PLXNB1: variants seen among roughly 807,000 people sequenced by gnomAD.
The protein encoded by PLXNB1 is plexin B1, also known as plexin-B1.
A neutral mutation model predicts 209.4 loss-of-function variants in PLXNB1; 106 were observed. That is an observed-to-expected ratio of 0.51 (90% CI 0.43 to 0.59). PLXNB1 has a LOEUF of 0.59. PLXNB1 is among the 20% of genes least tolerant of loss of function. The pLI, the probability that PLXNB1 is intolerant of heterozygous loss-of-function variation, is 0.00. For missense variants in PLXNB1, 2,357 were observed against 2,853.2 expected (o/e 0.83, Z 3.96); for synonymous variants, 1,167 against 1,183.2 (o/e 0.99, Z 0.28).
rs559444243 is a variant in PLXNB1 at position 48,419,394 on chromosome 3, A to C, written c.2710-28T>G. 3.9e-6 allele frequency: 6 copies of C among 1,537,576 alleles called. No homozygotes were observed. Among genetic ancestry groups the C allele is most frequent in the Non-Finnish European group, 5.3e-6 (6 of 1,139,950 alleles). On this transcript the variant is annotated intron_variant, in intron 11 of 37. Coordinates refer to ENST00000296440, the MANE Select transcript of PLXNB1 (RefSeq NM_001130082.3). This position sits in a 1 kb window ranked among gnomAD's most constrained non-coding sequence, Gnocchi z 5.7. Reference sequence around the variant, plus strand: ...GCAGGCACCAAGGGCAAGGCAGTCTATGGAGCCCACCCTGCCCAGCTCAGC... The same window carrying C: ...GCAGGCACCAAGGGCAAGGCAGTCTCTGGAGCCCACCCTGCCCAGCTCAGC...
In PLXNB1 at chr3:48,424,354, A is replaced by T. The variant is rs1429935528; in HGVS notation, c.258T>A (p.Asp86Glu). The change falls in exon 3 of 38, where the codon GAT becomes GAA. Residue 86 changes from aspartate to glutamate, a missense_variant. Transcript: ENST00000296440. ...TGGTAGGCTGGGCCTGGGGGCACTC[A>T]TCAGGCATCACAGGTGGCAGGCAGT... is the stretch of plus-strand genomic sequence containing the variant. ...SRDCLPPVMP[D>E]ECPQAQPTNN... 3.2e-6 allele frequency: 5 copies of T among 1,554,392 alleles called. No homozygotes were observed. In the East Asian group the frequency reaches 1.2e-4, roughly 38 times the overall value.
In PLXNB1 at chr3:48,417,951, G is replaced by T; in HGVS notation, c.3334C>A (p.Pro1112Thr). Residue 1112 changes from proline to threonine, a missense_variant, in exon 16 of 38, where the codon CCC (proline) becomes ACC (threonine). By Grantham distance (38) the Pro-to-Thr change is conservative. Around this residue, in one of 7 missense-constraint regions of PLXNB1, gnomAD observed 743 missense variants for 896.2 expected, o/e 0.83. Transcript: ENST00000296440. This position sits in a 1 kb window ranked among gnomAD's most constrained non-coding sequence, Gnocchi z 4.4. ...TACTCCTGGGCATCCACAGCACAGG[G>T]CACTCCAGCCACCGTGACCATGCCC... ...VLGMVTVAGV[P>T]CAVDAQEYEV... is the part of the protein sequence containing the mutation. 3 of 1,613,276 alleles carry T rather than the reference G, an allele frequency of 1.9e-6. No homozygotes were observed. The highest frequency in any genetic ancestry group is 2.5e-6 in the Non-Finnish European group (3 of 1,179,996).
In PLXNB1 at chr3:48,418,661, A is replaced by C; in HGVS notation, c.2956-119T>G. 2.1e-6 allele frequency: 2 copies of C among 957,080 alleles called. No individual in the cohort carries two copies. The highest frequency in any genetic ancestry group is 3.1e-5 in the South Asian group (2 of 64,626). 59.3% of individuals were successfully genotyped at this position (957,080 alleles called of 1,614,324 possible). A position where few individuals can be genotyped will look rare whatever the true frequency, so the allele number is the denominator to read the frequency against. On this transcript the variant is annotated intron_variant, in intron 13 of 37. Transcript: ENST00000296440. The surrounding 1 kb of genome is among the most constrained non-coding windows in gnomAD (Gnocchi z 6.6). Reference sequence around the variant, plus strand: ...AGGAGCATAGGGTCAGAGGGACCCCATGGGGCCACAAGTTGGAGGGCAGAG... The same window carrying C: ...AGGAGCATAGGGTCAGAGGGACCCCCTGGGGCCACAAGTTGGAGGGCAGAG...
rs1216880857 is a variant in PLXNB1, at chr3:48,423,626, A to G, written c.986T>C (p.Val329Ala). ...TCGCGTGCGATTAGCAAGCCGGTCC[A>G]CCTCATCCAGGGGGAAGGCACAGAG... ...SALCAFPLDE[V>A]DRLANRTRDA... Residue 329 changes from valine (V) to alanine (A), a missense_variant, in exon 3 of 38, where the codon GTG becomes GCG. By Grantham distance (64) the Val-to-Ala change is moderately conservative. Coordinates refer to ENST00000296440, the MANE Select transcript of PLXNB1 (RefSeq NM_001130082.3). The G allele has an allele frequency of 2.6e-5, 42 of 1,614,136 alleles. No homozygotes were observed. Among genetic ancestry groups the G allele is most frequent in the Non-Finnish European group, 3.6e-5 (42 of 1,180,014 alleles).
At chr3:48,426,865 C>G (rs954737138) in intron 1 of PLXNB1, among the ~76,000 whole-genome samples, 2 of 152,124 alleles carry the variant, frequency 1.3e-5, no homozygotes, top group Non-Finnish European at 2.9e-5. Context: ...CAAGAGCCCC[C>G]CACCTAGTTT....
rs555514395 is a variant in PLXNB1, at chr3:48,415,780, G to A, written c.3618-21C>T. Reference sequence around the variant, plus strand: ...GCAGCCTGGGAGGGGAGGTGGGAATGAATGCAGGGGCGCAGGCAGGGAAAA... The same window carrying A: ...GCAGCCTGGGAGGGGAGGTGGGAATAAATGCAGGGGCGCAGGCAGGGAAAA... On this transcript the variant is annotated intron_variant, in intron 18 of 37. Transcript: ENST00000296440. The surrounding 1 kb of genome is among the most constrained non-coding windows in gnomAD (Gnocchi z 5.0). 1.3e-6 allele frequency: 2 copies of A among 1,535,886 alleles called. No homozygotes were observed. Among genetic ancestry groups the A allele is most frequent in the East Asian group, 4.9e-5 (2 of 40,510 alleles).
Position 48,415,820 on chromosome 3 carries a change from G to A in PLXNB1, c.3618-61C>T. On this transcript the variant is annotated intron_variant, in intron 18 of 37. Coordinates refer to ENST00000296440, the MANE Select transcript of PLXNB1 (RefSeq NM_001130082.3). The surrounding 1 kb of genome is among the most constrained non-coding windows in gnomAD (Gnocchi z 5.0). ...GGCAGGGAAAACTTGGACCACTCAG[G>A]CCCCAACTGGCTTCCCTCAAGCGCT... The A allele has an allele frequency of 1.6e-5, 23 of 1,467,224 alleles. No individual in the cohort carries two copies. The highest frequency in any genetic ancestry group is 3.9e-5 in the South Asian group (3 of 77,324). The allele number at this position is 1,467,224 out of a possible 1,614,324, so 90.9% of individuals were successfully genotyped here.
In PLXNB1 at chr3:48,404,326, C is replaced by A; in HGVS notation, c.*160G>T. 1.7e-6 allele frequency: 1 copy of A among 587,950 alleles called. No individual in the cohort carries two copies. Among genetic ancestry groups the A allele is most frequent in the Non-Finnish European group, 3.0e-6 (1 of 332,058 alleles). The allele number at this position is 587,950 out of a possible 1,614,324, so 36.4% of individuals were successfully genotyped here. A position where few individuals can be genotyped will look rare whatever the true frequency, so the allele number is the denominator to read the frequency against. On this transcript the variant is annotated 3_prime_UTR_variant, in exon 38 of 38. Coordinates refer to ENST00000296440, the MANE Select transcript of PLXNB1 (RefSeq NM_001130082.3). ...GAGGCCCCGGGTCTAGGAGGTGGATCCAGCAGGGCCGAGGCCAGAGCCACC... is the reference window on the plus strand; with the variant it reads ...GAGGCCCCGGGTCTAGGAGGTGGATACAGCAGGGCCGAGGCCAGAGCCACC...
chr3:48,409,563 C>T lies in PLXNB1; in HGVS notation c.5939+8G>A. ...CACACACCTAGAGCCCACCCAGCTC[C>T]ACCCCACCTGTTGGTCTTCCAGATG... On this transcript the variant is annotated splice_region_variant and intron_variant, in intron 33 of 37. Transcript: ENST00000296440. This position sits in a 1 kb window ranked among gnomAD's most constrained non-coding sequence, Gnocchi z 5.8. The T allele has an allele frequency of 1.9e-6, 3 of 1,613,740 alleles. No homozygotes were observed. Among genetic ancestry groups the T allele is most frequent in the Non-Finnish European group, 2.5e-6 (3 of 1,179,734 alleles).
At position 48,417,470 on chromosome 3, in the gene PLXNB1, G is replaced by A. The variant is rs559218194; in HGVS notation, c.3374+441C>T. On this transcript the variant is annotated intron_variant, in intron 16 of 37. Transcript: ENST00000296440. The surrounding 1 kb of genome is among the most constrained non-coding windows in gnomAD (Gnocchi z 4.4). The stretch of plus-strand genomic sequence containing the variant: ...CAGTGGAGCCTGGCCCTCGGCCAGT[G>A]TGCCTTTCTGAGGTGTGCCTTCCAA... Among the ~76,000 whole-genome samples, 56 of 152,362 alleles carry A rather than the reference G, an allele frequency of 3.7e-4. No individual in the cohort carries two copies. Among genetic ancestry groups the A allele is most frequent in the Middle Eastern group, 3.4e-3 (1 of 294 alleles).
chr3:48,405,806 A>G lies in PLXNB1; in HGVS notation c.6229-8T>C. On this transcript the variant is annotated splice_polypyrimidine_tract_variant and splice_region_variant and intron_variant, in intron 36 of 37. Transcript: ENST00000296440. The surrounding 1 kb of genome is among the most constrained non-coding windows in gnomAD (Gnocchi z 5.0). ...GAGGTCTCCGGAGTAGTTCTAGGGA[A>G]GAGGCCAAATGAAAGGTGAGAGAGA... is the stretch of plus-strand genomic sequence containing the variant. The G allele has an allele frequency of 6.2e-7, 1 of 1,611,330 alleles. No homozygotes were observed. Among genetic ancestry groups the G allele is most frequent in the Non-Finnish European group, 8.5e-7 (1 of 1,178,072 alleles).
chr3:48,418,881 T>G lies in PLXNB1; in HGVS notation c.2955+36A>C, dbSNP rs1165240606. The G allele has an allele frequency of 3.7e-6, 6 of 1,612,340 alleles. No homozygotes were observed. The highest frequency in any genetic ancestry group is 5.1e-6 in the Non-Finnish European group (6 of 1,179,484). On this transcript the variant is annotated intron_variant, in intron 13 of 37. Transcript: ENST00000296440. This position sits in a 1 kb window ranked among gnomAD's most constrained non-coding sequence, Gnocchi z 6.6. ...GGCAGCCAGCCTGTGGCCAGTGCAG[T>G]GCACCCGTGCCCACCCAGGCGCTCA...
intron 4 of PLXNB1, 92 bp downstream of exon 4, chr3:48,422,673 G>A (rs2038609911): frequency 7.2e-7 from 1 of 1,397,220 alleles, no homozygotes; most frequent in Non-Finnish European, 9.8e-7. Flanking sequence ...CCTGGCCCAG[G>A]GGTCACAGGG....
At chr3:48,430,122 C>T (rs1172521901), upstream of PLXNB1, 1 of 152,680 alleles carries the variant, frequency 6.5e-6, no homozygotes, top group Non-Finnish European at 1.5e-5. Flanking sequence ...CCGGCCCCCA[C>T]CTCTGGCTGT....
chr3:48,418,877 G>A lies in PLXNB1; in HGVS notation c.2955+40C>T, dbSNP rs2038291331. 2.5e-6 allele frequency: 4 copies of A among 1,611,894 alleles called. No homozygotes were observed. Among genetic ancestry groups the A allele is most frequent in the Non-Finnish European group, 3.4e-6 (4 of 1,179,148 alleles). On this transcript the variant is annotated intron_variant, in intron 13 of 37. Transcript: ENST00000296440. This position sits in a 1 kb window ranked among gnomAD's most constrained non-coding sequence, Gnocchi z 6.6. ...AGTTGGCAGCCAGCCTGTGGCCAGTGCAGTGCACCCGTGCCCACCCAGGCG... is the reference window on the plus strand; with the variant it reads ...AGTTGGCAGCCAGCCTGTGGCCAGTACAGTGCACCCGTGCCCACCCAGGCG...
chr3:48,422,853 G>A lies in PLXNB1; in HGVS notation c.1202C>T (p.Pro401Leu). ...TGCCACAGCTGTTAGCTGAATCCCTGGCCACTCCAGAATTGGTGTGGCTTC... is the reference window on the plus strand; with the variant it reads ...TGCCACAGCTGTTAGCTGAATCCCTAGCCACTCCAGAATTGGTGTGGCTTC... The part of the protein sequence containing the change: ...PLEATPILEW[P>L]GIQLTAVAVT... The change falls in exon 4 of 38, where the codon CCA becomes CTA. Residue 401 changes from proline (P) to leucine (L), a missense_variant. Around this residue, in one of 7 missense-constraint regions of PLXNB1, gnomAD observed 404 missense variants for 443.6 expected, o/e 0.91. Coordinates refer to ENST00000296440, the MANE Select transcript of PLXNB1 (RefSeq NM_001130082.3). The A allele has an allele frequency of 1.2e-6, 2 of 1,614,064 alleles. No individual in the cohort carries two copies. Among genetic ancestry groups the A allele is most frequent in the South Asian group, 2.2e-5 (2 of 91,082 alleles).
Position 48,420,165 on chromosome 3 carries a change from G to A in PLXNB1, c.2121C>T (p.Asp707=), listed in dbSNP as rs778565009. ...APKALATPAP[D]TLPVEPGAPS... ...GAGCCCCAGGCTCCACGGGAAGGGT[G>A]TCAGGAGCAGGGGTGGCCAGGGCTT... is the stretch of plus-strand genomic sequence containing the variant. The change falls in exon 11 of 38, where the codon GAC becomes GAT. Residue 707 remains aspartate (D), a synonymous_variant. Transcript: ENST00000296440. 3.8e-6 allele frequency: 6 copies of A among 1,582,324 alleles called. No individual in the cohort carries two copies. The South Asian group carries it at 6.7e-5, about 18-fold the overall frequency.
chr3:48,427,839 G>A (rs1051295190), intron 1 of PLXNB1, among the ~76,000 whole-genome samples: 1 of 152,182 alleles, frequency 6.6e-6, no homozygotes, highest in Non-Finnish European at 1.5e-5. Context: ...TGGACAGAAT[G>A]GACACACCTA....
In PLXNB1 at chr3:48,410,120, C is replaced by T. The variant is rs2037573823; in HGVS notation, c.5606-43G>A. On this transcript the variant is annotated intron_variant, in intron 31 of 37. Coordinates refer to ENST00000296440, the MANE Select transcript of PLXNB1 (RefSeq NM_001130082.3). This position sits in a 1 kb window ranked among gnomAD's most constrained non-coding sequence, Gnocchi z 6.4. The stretch of plus-strand genomic sequence containing the variant: ...AGCTGTCACCCCTCCCCAGGTGCCA[C>T]CTCCCCAGGCCCCCTGTTTCTTGCC... The T allele has an allele frequency of 6.5e-7, 1 of 1,531,918 alleles. No individual in the cohort carries two copies. The highest frequency in any genetic ancestry group is 8.8e-7 in the Non-Finnish European group (1 of 1,135,472). 94.9% of individuals were successfully genotyped at this position (1,531,918 alleles called of 1,614,324 possible).
Sources: allele counts gnomAD v4.1 joint callset (sites outside exome capture counted in the v4.1 genomes callset), GRCh38; gene constraint gnomAD v4.1.1; regional missense constraint gnomAD v4.1.1; non-coding constraint Gnocchi (gnomAD v3.1); transcripts MANE v1.5; gene names NCBI Gene and HGNC (gene_info 2026-07-23, HGNC 2026-07-21).